The following PDGFRA variants were observed in gnomAD, a reference collection of about 807,000 sequenced individuals.
The protein encoded by PDGFRA is platelet derived growth factor receptor alpha.
PDGFRA carries 25 observed loss-of-function variants against 121.5 expected under a neutral mutation model. The ratio of observed to expected loss-of-function variants is 0.21; its 90% CI spans 0.15 to 0.29. The LOEUF is 0.29. Among genes scored for constraint, PDGFRA ranks in the 10% least tolerant of loss-of-function variants. The probability of loss-of-function intolerance (pLI) is 1.00; values close to 1 mark genes in which losing one functional copy is unlikely to be tolerated. For missense variants in PDGFRA, 1,008 were observed against 1,345.1 expected (o/e 0.75, Z 3.92); for synonymous variants, 463 against 494.8 (o/e 0.94, Z 0.85).
At chr4:54,239,531 G>A (rs1046007298) in intron 1 of PDGFRA, among the ~76,000 whole-genome samples, 42 of 152,148 alleles carry the variant, frequency 2.8e-4, no homozygotes, top group African/African-American at 8.9e-4. Context: ...GTAACCTCCC[G>A]TTGACTTTAA....
intron 15 of PDGFRA, among the ~76,000 whole-genome samples, chr4:54,279,684 A>C (rs1408162789): frequency 6.6e-6 from 1 of 152,028 alleles, no homozygotes; most frequent in Non-Finnish European, 1.5e-5. Context: ...CCCAGTTTGT[A>C]GTCTTTTATC....
rs181243186 is a variant in PDGFRA at position 54,242,966 on chromosome 4, C to T, written c.-13+13551C>T. Among the ~76,000 whole-genome samples, 28 of 152,292 alleles carry T rather than the reference C, an allele frequency of 1.8e-4. No homozygotes were observed. The East Asian group carries it at 5.2e-3, about 28-fold the overall frequency. On this transcript the variant is annotated intron_variant, in intron 1 of 22. Transcript: ENST00000257290. ...CTTTGCATTATGAGGGAACCTTTAG[C>T]ATTGGTGTGTATTACCTAGGTAGGA... is the stretch of plus-strand genomic sequence containing the variant.
At chr4:54,284,503 T>C (rs1276432449) in intron 16 of PDGFRA, among the ~76,000 whole-genome samples, 1 of 149,746 alleles carries the variant, frequency 6.7e-6, no homozygotes, top group East Asian at 2.0e-4. Flanking sequence ...CCAATCATGG[T>C]GGAAGGTAAA....
chr4:54,290,663 C>T (rs1724584976), intron 22 of PDGFRA, 109 bp downstream of exon 22: 1 of 1,267,102 alleles, frequency 7.9e-7, no homozygotes. Flanking sequence ...TAAATATGTA[C>T]TCAGGGACAA....
chr4:54,270,224 T>A (rs1376075644), intron 7 of PDGFRA, among the ~76,000 whole-genome samples: 1 of 152,222 alleles, frequency 6.6e-6, no homozygotes, highest in African/African-American at 2.4e-5. Flanking sequence ...CCTCCAGTGA[T>A]ATTCCATTTT....
intron 1 of PDGFRA, among the ~76,000 whole-genome samples, chr4:54,246,174 C>A (rs551259761): frequency 1.3e-5 from 2 of 152,156 alleles, no homozygotes; most frequent in African/African-American, 2.4e-5. Flanking sequence ...AAAAAGTTAA[C>A]AAAGATAGCC....
chr4:54,237,109 T>G (rs1197433654), intron 1 of PDGFRA, among the ~76,000 whole-genome samples: 1 of 151,978 alleles, frequency 6.6e-6, no homozygotes, highest in Admixed American at 6.6e-5. Flanking sequence ...GCTGGGATTA[T>G]AGGTACCTGC....
chr4:54,266,488 C>A (rs1723033425), intron 5 of PDGFRA, among the ~76,000 whole-genome samples: 1 of 148,074 alleles, frequency 6.8e-6, no homozygotes, highest in African/African-American at 2.5e-5. Context: ...CTTAAGTGAT[C>A]CTCCCACCTT....
intron 16 of PDGFRA, among the ~76,000 whole-genome samples, chr4:54,283,528 C>T (rs533527297): frequency 2.1e-3 from 319 of 152,370 alleles, no homozygotes; most frequent in Non-Finnish European, 3.8e-3. Flanking sequence ...GACCATTCTT[C>T]CCTCCTAGGC....
chr4:54,243,579 T>G (rs1460891876), intron 1 of PDGFRA: 1 of 152,098 alleles, frequency 6.6e-6, no homozygotes, highest in Non-Finnish European at 1.5e-5. Context: ...AAGGAGGAGG[T>G]TGGAGCCAAG....
chr4:54,275,577 C>G (rs1723675054), intron 12 of PDGFRA, among the ~76,000 whole-genome samples: 1 of 152,070 alleles, frequency 6.6e-6, no homozygotes, highest in Non-Finnish European at 1.5e-5. Flanking sequence ...AAGACAAAGG[C>G]AAATGAAAGT....
chr4:54,231,964 G>A (rs1720700205), intron 1 of PDGFRA, among the ~76,000 whole-genome samples: 1 of 152,234 alleles, frequency 6.6e-6, no homozygotes, highest in African/African-American at 2.4e-5. Context: ...GCGCCGAGGC[G>A]GGCCCATTTT....
chr4:54,254,080 G>A (rs1722216180), intron 1 of PDGFRA, among the ~76,000 whole-genome samples: 1 of 152,164 alleles, frequency 6.6e-6, no homozygotes, highest in Non-Finnish European at 1.5e-5. Flanking sequence ...CTCCAGAATA[G>A]CATTACTAAT....
At chr4:54,255,660 C>G (rs1160623552) in intron 1 of PDGFRA, among the ~76,000 whole-genome samples, 1 of 152,022 alleles carries the variant, frequency 6.6e-6, no homozygotes. Context: ...TGCCTGCCAC[C>G]ACGCCCGGCT....
intron 22 of PDGFRA, 130 bp downstream of exon 22, chr4:54,290,684 C>A (rs888103175): frequency 1.2e-5 from 12 of 1,023,552 alleles, no homozygotes; most frequent in Non-Finnish European, 1.8e-5. Context: ...GTTGCAGAAT[C>A]CTCAGGAGGT....
intron 12 of PDGFRA, 68 bp from the exon 13 acceptor site, chr4:54,277,320 G>A (rs1052233942): frequency 1.9e-6 from 2 of 1,041,068 alleles, no homozygotes; most frequent in African/African-American, 1.6e-5. Flanking sequence ...GCAGAGAGCT[G>A]GCTACGGTGC....
chr4:54,231,454 G>A (rs961100639), intron 1 of PDGFRA, among the ~76,000 whole-genome samples: 1 of 152,204 alleles, frequency 6.6e-6, no homozygotes. Context: ...AAACATCCCC[G>A]GAGCCACAGG....
At chr4:54,270,077 C>T (rs923899533) in intron 7 of PDGFRA, among the ~76,000 whole-genome samples, 1 of 152,256 alleles carries the variant, frequency 6.6e-6, no homozygotes, top group African/African-American at 2.4e-5. Flanking sequence ...CTCCTCCCCA[C>T]AGGGAAACAT....
chr4:54,266,028 C>T (rs547664294), intron 5 of PDGFRA, among the ~76,000 whole-genome samples: 2 of 152,270 alleles, frequency 1.3e-5, no homozygotes, highest in Non-Finnish European at 2.9e-5. Flanking sequence ...TCACTATTGC[C>T]TCACAAACTT....
Sources: gnomAD v4.1 joint callset for allele counts (sites outside exome capture counted in the v4.1 genomes callset) on GRCh38, gnomAD v4.1.1 for gene constraint, MANE v1.5 for transcripts, NCBI Gene and HGNC (gene_info 2026-07-23, HGNC 2026-07-21) for gene names.